Variants in GRM5 observed in about 807,000 individuals in gnomAD.
GRM5 encodes the protein metabotropic glutamate receptor 5.
A neutral mutation model predicts 83.1 loss-of-function variants in GRM5; 19 were observed. The ratio of observed to expected loss-of-function variants is 0.23; its 90% CI spans 0.16 to 0.34. The LOEUF (loss-of-function observed/expected upper bound fraction) is 0.34, where lower values mean the gene tolerates loss of function less well. GRM5 is among the 10% of genes least tolerant of loss of function. GRM5 has a pLI of 1.00. For synonymous variants in GRM5, 675 were observed against 633.6 expected, an observed-to-expected ratio of 1.07 and a Z score of -0.98; for missense variants, 1,160 against 1,588.3, an observed-to-expected ratio of 0.73 and a Z score of 4.58.
chr11:88,556,301 T>C (rs572953170), intron 8 of GRM5, among the ~76,000 whole-genome samples: 2 of 151,278 alleles, frequency 1.3e-5, no homozygotes, highest in South Asian at 4.2e-4. Context: ...GGATATGAAC[T>C]GTGGGACACA....
intron 8 of GRM5, among the ~76,000 whole-genome samples, chr11:88,558,792 T>A (rs1591347482): frequency 1.1e-5 from 1 of 92,202 alleles, no homozygotes; most frequent in Non-Finnish European, 1.9e-5. Context: ...AGAGTGAGAC[T>A]CCATCTCAAA....
At chr11:88,522,275 G>A in intron 9 of GRM5, among the ~76,000 whole-genome samples, 1 of 152,112 alleles carries the variant, frequency 6.6e-6, no homozygotes, top group Non-Finnish European at 1.5e-5. Context: ...CCTTTCTTCA[G>A]CCCTTCTATT....
At chr11:88,997,705 A>G (rs1940236432) in intron 2 of GRM5, among the ~76,000 whole-genome samples, 1 of 152,132 alleles carries the variant, frequency 6.6e-6, no homozygotes, top group Non-Finnish European at 1.5e-5. Context: ...ACTTTGAGGA[A>G]ATTAATCAAT....
intron 2 of GRM5, among the ~76,000 whole-genome samples, chr11:88,940,494 G>A (rs1590981661): frequency 6.7e-6 from 1 of 150,320 alleles, no homozygotes; most frequent in Non-Finnish European, 1.5e-5. Flanking sequence ...GAACAATAAT[G>A]TCTTACTACT....
rs140153045 is a variant in GRM5 at position 88,888,420 on chromosome 11, A to T, written c.662-38265T>A. ...GGGAAACACCATTCCCAGCAGGAAG[A>T]GAGGCAATACCTCTTGAAACCCTAA... is the stretch of plus-strand genomic sequence containing the variant. On this transcript the variant is annotated intron_variant, in intron 2 of 9. Transcript: ENST00000305447. 1.4e-4 allele frequency among the ~76,000 whole-genome samples: 22 copies of T among 152,306 alleles called. No homozygotes were observed. In the East Asian group the frequency reaches 3.7e-3, roughly 26 times the overall value.
At chr11:88,850,555 A>C (rs535672177) in intron 2 of GRM5, among the ~76,000 whole-genome samples, 1 of 151,594 alleles carries the variant, frequency 6.6e-6, no homozygotes, top group South Asian at 2.1e-4. Context: ...TTGTATTTAA[A>C]GATATAGTAC....
At chr11:88,609,106 T>C (rs1938246749) in intron 4 of GRM5, among the ~76,000 whole-genome samples, 1 of 152,188 alleles carries the variant, frequency 6.6e-6, no homozygotes, top group African/African-American at 2.4e-5. Flanking sequence ...ATAGTGACCA[T>C]AGTTCCTGAT....
intron 2 of GRM5, among the ~76,000 whole-genome samples, chr11:88,955,206 T>C (rs1471776772): frequency 6.6e-6 from 1 of 152,226 alleles, no homozygotes; most frequent in Admixed American, 6.5e-5. Flanking sequence ...AGTTTACTGT[T>C]ATCATTCTTC....
intron 8 of GRM5, among the ~76,000 whole-genome samples, chr11:88,552,433 C>T (rs1166808045): frequency 6.6e-6 from 1 of 152,176 alleles, no homozygotes; most frequent in Non-Finnish European, 1.5e-5. Context: ...GCTGGTCCAT[C>T]TGGGAATCAG....
chr11:88,899,998 C>A (rs1455712265), intron 2 of GRM5, among the ~76,000 whole-genome samples: 1 of 152,010 alleles, frequency 6.6e-6, no homozygotes, highest in Admixed American at 6.6e-5. Flanking sequence ...TTAGGAATAA[C>A]TAGTTAGATA....
chr11:89,062,153 C>T (rs1341462619), intron 1 of GRM5, among the ~76,000 whole-genome samples: 1 of 152,064 alleles, frequency 6.6e-6, no homozygotes, highest in East Asian at 1.9e-4. Flanking sequence ...AATAAACATG[C>T]ATAAAGGACA....
At chr11:88,712,623 T>G (rs1242721634) in intron 3 of GRM5, among the ~76,000 whole-genome samples, 1 of 151,970 alleles carries the variant, frequency 6.6e-6, no homozygotes, top group Non-Finnish European at 1.5e-5. Flanking sequence ...GTTAAAATGG[T>G]CTTATAATGA....
intron 3 of GRM5, among the ~76,000 whole-genome samples, chr11:88,701,033 TC>T (rs1024357183): frequency 3.2e-4 from 49 of 152,196 alleles, no homozygotes; most frequent in African/African-American, 1.2e-3. Flanking sequence ...GTGCTTTTCA[TC>T]CCTACAAATC....
chr11:88,927,032 T>C (rs912021134), intron 2 of GRM5, among the ~76,000 whole-genome samples: 31 of 152,196 alleles, frequency 2.0e-4, no homozygotes, highest in Non-Finnish European at 8.8e-5. Context: ...CTTGTAGCCT[T>C]TCTTTTCAGG....
intron 4 of GRM5, among the ~76,000 whole-genome samples, chr11:88,608,848 C>T (rs1379815572): frequency 6.6e-6 from 1 of 152,114 alleles, no homozygotes; most frequent in Non-Finnish European, 1.5e-5. Flanking sequence ...GTTTTCTACT[C>T]AGTGCCTAGA....
At chr11:88,622,026 G>A (rs1233460602) in intron 4 of GRM5, among the ~76,000 whole-genome samples, 1 of 152,182 alleles carries the variant, frequency 6.6e-6, no homozygotes, top group Non-Finnish European at 1.5e-5. Context: ...TCTTCTGAGT[G>A]TAGTGGCTAT....
intron 2 of GRM5, among the ~76,000 whole-genome samples, chr11:88,877,767 T>C (rs1472529605): frequency 6.7e-6 from 1 of 150,260 alleles, no homozygotes; most frequent in African/African-American, 2.5e-5. Flanking sequence ...GAAGCAGAGA[T>C]TGCAATGAGC....
intron 2 of GRM5, among the ~76,000 whole-genome samples, chr11:88,888,646 T>C (rs1590940843): frequency 6.6e-6 from 1 of 151,886 alleles, no homozygotes; most frequent in African/African-American, 2.4e-5. Flanking sequence ...ACTAGTTGGG[T>C]TTTTGGCTTC....
chr11:88,758,368 G>C (rs1258174128), intron 3 of GRM5, among the ~76,000 whole-genome samples: 1 of 152,096 alleles, frequency 6.6e-6, no homozygotes, highest in Admixed American at 6.5e-5. Context: ...AGACAAAATG[G>C]CCAGTATAGA....
Sources: allele counts gnomAD v4.1 joint callset (sites outside exome capture counted in the v4.1 genomes callset), GRCh38; gene constraint gnomAD v4.1.1; transcripts MANE v1.5; gene names NCBI Gene and HGNC (gene_info 2026-07-23, HGNC 2026-07-21).